HVCN1: variants seen among roughly 807,000 people sequenced by gnomAD.
The protein encoded by HVCN1 is hydrogen voltage gated channel 1, also known as voltage-gated hydrogen channel 1.
Under a neutral mutation model 29.2 loss-of-function variants are expected in HVCN1, and 14 were observed. The ratio of observed to expected loss-of-function variants is 0.48; its 90% confidence interval spans 0.32 to 0.75. The LOEUF (loss-of-function observed/expected upper bound fraction) is 0.75. Ranked by LOEUF, HVCN1 falls within the 30% of genes least tolerant of loss-of-function variation. The pLI is 0.04. For missense variants in HVCN1, 263 were observed against 341.8 expected (o/e 0.77, Z 1.82); for synonymous variants, 131 against 133.2 (o/e 0.98, Z 0.11).
chr12:110,653,797 G>C (rs1315843576), intron 5 of HVCN1, among the ~76,000 whole-genome samples: 1 of 152,174 alleles, frequency 6.6e-6, no homozygotes, highest in East Asian at 1.9e-4. Context: ...AGATGAGATA[G>C]TGCCACTGCA....
intron 3 of HVCN1, among the ~76,000 whole-genome samples, chr12:110,677,397 T>C (rs2068784534): frequency 6.6e-6 from 1 of 152,190 alleles, no homozygotes; most frequent in Admixed American, 6.5e-5. Context: ...TTGCGTAGAA[T>C]GTGCAACCCC....
At chr12:110,650,308 T>C (rs1422891971) in intron 6 of HVCN1, 28 bp from the exon 7 acceptor site, 5 of 1,404,302 alleles carry the variant, frequency 3.6e-6, no homozygotes, top group Non-Finnish European at 5.0e-6. Context: ...GTCTCAGTGA[T>C]ACTGGTTTCT....
chr12:110,684,612 G>A (rs760799115), intron 2 of HVCN1, among the ~76,000 whole-genome samples: 12 of 152,064 alleles, frequency 7.9e-5, no homozygotes, highest in East Asian at 1.9e-4. Context: ...TTTTTGGTCC[G>A]TAAGGATCAC....
chr12:110,678,439 C>CTTTTTTTTTTTTTTTTTTTTTTTTTTTTT (rs538999674), intron 3 of HVCN1, among the ~76,000 whole-genome samples: 1 of 65,808 alleles, frequency 1.5e-5, no homozygotes, highest in South Asian at 5.7e-4. Flanking sequence ...CATTCTATTT[C>CTTTTTTTTTTTTTTTTTTTTTTTTTTTTT]TTTTTTTTTT....
At chr12:110,678,421 T>C (rs2068820135) in intron 3 of HVCN1, among the ~76,000 whole-genome samples, 1 of 151,754 alleles carries the variant, frequency 6.6e-6, no homozygotes, top group South Asian at 2.1e-4. Context: ...CGCTCTTATT[T>C]TCCATTTCAT....
chr12:110,684,192 G>T (rs1419343100), intron 2 of HVCN1, among the ~76,000 whole-genome samples: 1 of 152,088 alleles, frequency 6.6e-6, no homozygotes, highest in Non-Finnish European at 1.5e-5. Flanking sequence ...GTTCTGTGCA[G>T]CTAACAAGGT....
In HVCN1 at chr12:110,671,184, G is replaced by A. The variant is rs562448143; in HGVS notation, c.22-9736C>T. ...TCTACTAAAAATACAAAAATTAGCC[G>A]GGCGTGGTGGTGGGTGCCTGTAATC... is the stretch of plus-strand genomic sequence containing the variant. On this transcript the variant is annotated intron_variant, in intron 3 of 7. Transcript: ENST00000242607. Among the ~76,000 whole-genome samples, 122 of 152,146 alleles carry A rather than the reference G, an allele frequency of 8.0e-4. 2 individuals carry two copies. The South Asian group carries it at 0.024, about 31-fold the overall frequency.
intron 2 of HVCN1, among the ~76,000 whole-genome samples, chr12:110,684,603 T>C (rs1008127090): frequency 1.3e-5 from 2 of 152,156 alleles, no homozygotes; most frequent in Admixed American, 1.3e-4. Context: ...AGATGCTTTT[T>C]TTTGGTCCGT....
At chr12:110,697,195 G>A (rs2069506731) in intron 2 of HVCN1, among the ~76,000 whole-genome samples, 1 of 152,070 alleles carries the variant, frequency 6.6e-6, no homozygotes, top group South Asian at 2.1e-4. Context: ...AGTAGGATCT[G>A]AGTCAGGAAT....
chr12:110,668,140 C>A (rs1365857763), intron 3 of HVCN1, among the ~76,000 whole-genome samples: 1 of 152,068 alleles, frequency 6.6e-6, no homozygotes, highest in African/African-American at 2.4e-5. Context: ...GCGTACAGAG[C>A]ACCTGCCTCG....
At chr12:110,677,735 C>G (rs1029921268) in intron 3 of HVCN1, among the ~76,000 whole-genome samples, 4 of 152,134 alleles carry the variant, frequency 2.6e-5, no homozygotes, top group Non-Finnish European at 5.9e-5. Flanking sequence ...AGAAACTTTT[C>G]CTTCTCTAGG....
In HVCN1 at chr12:110,683,031, G is replaced by A. The variant is rs576692218; in HGVS notation, c.21+194C>T. On this transcript the variant is annotated intron_variant, in intron 3 of 7. Coordinates refer to ENST00000242607, the MANE Select transcript of HVCN1 (RefSeq NM_032369.4). ...TACAGGGCTGGGATTCAAATGGTCT[G>A]ATGTGGAATATCAGGCTACTTGGAG... 167 of 688,624 alleles carry A rather than the reference G, an allele frequency of 2.4e-4. 1 individual carries two copies. In the African/African-American group the frequency reaches 2.7e-3, roughly 11 times the overall value. The allele number at this position is 688,624 out of a possible 1,614,324, so 42.7% of individuals were successfully genotyped here.
At chr12:110,681,886 T>C (rs147909713) in intron 3 of HVCN1, among the ~76,000 whole-genome samples, 7 of 152,090 alleles carry the variant, frequency 4.6e-5, no homozygotes, top group Non-Finnish European at 1.0e-4. Flanking sequence ...CCAACAAACC[T>C]GCACCTCACA....
chr12:110,698,761 C>T (rs553467577), intron 2 of HVCN1, among the ~76,000 whole-genome samples: 45 of 152,332 alleles, frequency 3.0e-4, no homozygotes, highest in African/African-American at 1.1e-3. Context: ...CCCCCGCTTC[C>T]CTCCTTCCGT....
chr12:110,669,531 C>G (rs1443244132), intron 3 of HVCN1, among the ~76,000 whole-genome samples: 1 of 151,714 alleles, frequency 6.6e-6, no homozygotes, highest in East Asian at 1.9e-4. Flanking sequence ...CTAGAGCGGA[C>G]CACGCTCTCT....
chr12:110,656,452 A>G (rs1033584666), intron 4 of HVCN1, among the ~76,000 whole-genome samples: 8 of 152,118 alleles, frequency 5.3e-5, no homozygotes, highest in Non-Finnish European at 1.0e-4. Context: ...GAGGGCACTG[A>G]TGGCAGGGTG....
intron 3 of HVCN1, among the ~76,000 whole-genome samples, chr12:110,662,165 G>A (rs1237325996): frequency 6.6e-6 from 1 of 152,194 alleles, no homozygotes; most frequent in African/African-American, 2.4e-5. Context: ...GCCTAAAGGA[G>A]ATGGGGTGGC....
intron 2 of HVCN1, among the ~76,000 whole-genome samples, chr12:110,699,951 T>C (rs537728045): frequency 1.3e-5 from 2 of 152,316 alleles, no homozygotes; most frequent in East Asian, 1.9e-4. Context: ...CTGCCAGGCC[T>C]AAGGGCCTTC....
Position 110,650,240 on chromosome 12 carries a change from G to A in HVCN1, c.684C>T (p.Leu228=), listed in dbSNP as rs2067739012. The change falls in exon 7 of 8, where the codon CTC becomes CTT. Residue 228 remains leucine (L), a synonymous_variant. Coordinates refer to ENST00000242607, the MANE Select transcript of HVCN1 (RefSeq NM_032369.4). The part of the protein sequence containing the change: ...ISVKTRSERQ[L]LRLKQMNVQL... Reference sequence around the variant, plus strand: ...GTACATTCATCTGTTTTAACCTTAAGAGTTGCCGTTCTGAACGTGTCTTAA... The same window carrying A: ...GTACATTCATCTGTTTTAACCTTAAAAGTTGCCGTTCTGAACGTGTCTTAA... The A allele has an allele frequency of 6.2e-7, 1 of 1,613,468 alleles. No individual in the cohort carries two copies. The highest frequency in any genetic ancestry group is 1.3e-5 in the African/African-American group (1 of 75,014).
Sources: allele counts gnomAD v4.1 joint callset (sites outside exome capture counted in the v4.1 genomes callset), GRCh38; gene constraint gnomAD v4.1.1; transcripts MANE v1.5; gene names NCBI Gene and HGNC (gene_info 2026-07-23, HGNC 2026-07-21).